Variants in EHBP1 observed in about 807,000 individuals in gnomAD.
EHBP1 encodes the protein EH domain binding protein 1, also known as EH domain-binding protein 1.
A neutral mutation model predicts 144.0 loss-of-function variants in EHBP1; 55 were observed. That is an observed-to-expected ratio of 0.38 (90% confidence interval 0.31 to 0.48). EHBP1 has a LOEUF of 0.48. EHBP1 is among the 20% of genes least tolerant of loss of function. EHBP1 has a pLI of 0.98. For synonymous variants in EHBP1, 469 were observed against 472.7 expected, an observed-to-expected ratio of 0.99 and a Z score of 0.10; for missense variants, 1,200 against 1,364.2, an observed-to-expected ratio of 0.88 and a Z score of 1.90.
At chr2:62,877,883 A>G (rs1230942043) in intron 10 of EHBP1, among the ~76,000 whole-genome samples, 3 of 152,188 alleles carry the variant, frequency 2.0e-5, no homozygotes, top group African/African-American at 7.2e-5. Flanking sequence ...AAAGTTAGAA[A>G]GGTCTCAAAT....
intron 16 of EHBP1, among the ~76,000 whole-genome samples, chr2:62,991,637 C>T (rs1027875422): frequency 2.6e-5 from 4 of 152,130 alleles, no homozygotes; most frequent in African/African-American, 7.2e-5. Flanking sequence ...TCAAAAATGC[C>T]ACATTATAAG....
intron 7 of EHBP1, among the ~76,000 whole-genome samples, chr2:62,839,680 C>A (rs2047626652): frequency 6.6e-6 from 1 of 151,868 alleles, no homozygotes; most frequent in Non-Finnish European, 1.5e-5. Context: ...AAATCACAAG[C>A]ATTCTTATAC....
chr2:62,829,332 A>G (rs761191036), intron 6 of EHBP1, among the ~76,000 whole-genome samples: 5 of 151,848 alleles, frequency 3.3e-5, no homozygotes, highest in South Asian at 4.1e-4. Context: ...ACGGTACTCA[A>G]TGTGTAGTCT....
intron 2 of EHBP1, among the ~76,000 whole-genome samples, chr2:62,730,841 C>T (rs62179266): frequency 6.3e-5 from 8 of 127,074 alleles, no homozygotes; most frequent in South Asian, 2.5e-4. Flanking sequence ...AACAGAGAGA[C>T]GGAGAGAGAG....
At chr2:62,743,563 C>CT (rs1289029277) in intron 2 of EHBP1, among the ~76,000 whole-genome samples, 1 of 151,932 alleles carries the variant, frequency 6.6e-6, no homozygotes, top group Admixed American at 6.6e-5. Context: ...TTGTCGAATG[C>CT]TTATTATGAT....
chr2:62,725,535 T>C (rs2036683568), intron 2 of EHBP1, among the ~76,000 whole-genome samples: 1 of 152,188 alleles, frequency 6.6e-6, no homozygotes, highest in South Asian at 2.1e-4. Flanking sequence ...CAGGGGTGGT[T>C]ACTCAGGGCA....
At chr2:62,897,711 T>G (rs1459619860) in intron 10 of EHBP1, among the ~76,000 whole-genome samples, 2 of 152,200 alleles carry the variant, frequency 1.3e-5, no homozygotes, top group African/African-American at 2.4e-5. Flanking sequence ...AAAATTGAAA[T>G]GTATTTTCCT....
At position 62,874,349 on chromosome 2, in the gene EHBP1, A is replaced by G; in HGVS notation, c.1002A>G (p.Ser334=). The change falls in exon 10 of 23, where the codon TCA becomes TCG. Residue 334 remains serine, a synonymous_variant. Transcript: ENST00000431489. ...CAATAATTCTTCTTTCACTTAGATCAAATCCTTTTTATGAACCTAAATCAA... is the reference window on the plus strand; with the variant it reads ...CAATAATTCTTCTTTCACTTAGATCGAATCCTTTTTATGAACCTAAATCAA... ...SKTEEEELDE[S]NPFYEPKSTP... 1 of 1,581,374 alleles carries G rather than the reference A, an allele frequency of 6.3e-7. No homozygotes were observed. The highest frequency in any genetic ancestry group is 8.6e-7 in the Non-Finnish European group (1 of 1,163,604).
chr2:62,913,222 CTT>C (rs1237581131), intron 10 of EHBP1, among the ~76,000 whole-genome samples: 2 of 152,076 alleles, frequency 1.3e-5, no homozygotes, highest in African/African-American at 4.8e-5. Flanking sequence ...TTTGAGATCA[CTT>C]TTTTAAGACA....
At chr2:62,792,171 GTTAA>G (rs1017403623) in intron 5 of EHBP1, among the ~76,000 whole-genome samples, 30 of 151,998 alleles carry the variant, frequency 2.0e-4, no homozygotes, top group Non-Finnish European at 3.5e-4. Context: ...AGTTGATACA[GTTAA>G]TTAAAGTACT....
At chr2:62,822,032 A>G (rs926114027) in intron 5 of EHBP1, among the ~76,000 whole-genome samples, 3 of 152,152 alleles carry the variant, frequency 2.0e-5, no homozygotes, top group Non-Finnish European at 2.9e-5. Context: ...ATTACTGACT[A>G]TAGTCACCCT....
chr2:62,842,375 G>A (rs1031549593), intron 7 of EHBP1, among the ~76,000 whole-genome samples: 8 of 152,088 alleles, frequency 5.3e-5, no homozygotes, highest in South Asian at 4.1e-4. Context: ...GTGAGCCACC[G>A]CGCCTGGCCC....
chr2:62,993,724 CTATATATAGTATATATATATAGTATA>C (rs1163288234), intron 17 of EHBP1, 56 bp downstream of exon 17: 11 of 919,212 alleles, frequency 1.2e-5, no homozygotes, highest in African/African-American at 3.6e-5. Context: ...ATATAGATAT[CTATATATAGTATATATATATAGTATA>C]TATATATAGC....
At chr2:62,806,556 A>G (rs188163545) in intron 5 of EHBP1, among the ~76,000 whole-genome samples, 2 of 151,826 alleles carry the variant, frequency 1.3e-5, no homozygotes, top group East Asian at 2.0e-4. Flanking sequence ...TAGAGAGGGT[A>G]TCTCTGTATA....
intron 1 of EHBP1, among the ~76,000 whole-genome samples, chr2:62,696,065 C>T (rs376782428): frequency 2.6e-5 from 4 of 152,110 alleles, no homozygotes; most frequent in South Asian, 4.1e-4. Flanking sequence ...AAAAAGAAAA[C>T]GTATCACATA....
chr2:62,951,070 T>C (rs1392896214), intron 13 of EHBP1, among the ~76,000 whole-genome samples: 2 of 152,226 alleles, frequency 1.3e-5, no homozygotes, highest in African/African-American at 4.8e-5. Flanking sequence ...TGGCACTTTC[T>C]TGGCTTTACC....
At chr2:62,782,014 A>G (rs1450035210) in intron 5 of EHBP1, among the ~76,000 whole-genome samples, 1 of 152,204 alleles carries the variant, frequency 6.6e-6, no homozygotes, top group Non-Finnish European at 1.5e-5. Flanking sequence ...ATTAAGTGAC[A>G]CGCCCAAGAA....
At chr2:62,987,780 T>A (rs977669868) in intron 15 of EHBP1, 1 of 458,800 alleles carries the variant, frequency 2.2e-6, no homozygotes, top group Non-Finnish European at 3.8e-6. Flanking sequence ...AGTGAAAGAG[T>A]GACTTAAAAC....
In EHBP1 at chr2:63,033,774, CTT is replaced by C. The variant is rs977846854; in HGVS notation, c.3104-3759_3104-3758del. ...ATGAATTGCTAAATAAAAATAATAA[CTT>C]TGAAGATTTCTTGGAAGATATGTAA... On this transcript the variant is annotated intron_variant, in intron 19 of 22. Coordinates refer to ENST00000431489, the MANE Select transcript of EHBP1 (RefSeq NM_001142616.3). Among the ~76,000 whole-genome samples the C allele has an allele frequency of 2.6e-5, 4 of 151,976 alleles. No homozygotes were observed. The South Asian group carries it at 6.2e-4, about 24-fold the overall frequency.
Sources: gnomAD v4.1 joint callset for allele counts (sites outside exome capture counted in the v4.1 genomes callset) on GRCh38, gnomAD v4.1.1 for gene constraint, MANE v1.5 for transcripts, NCBI Gene and HGNC (gene_info 2026-07-23, HGNC 2026-07-21) for gene names.